NAALADL2: variants seen among roughly 807,000 people sequenced by gnomAD.
NAALADL2 encodes the protein inactive N-acetylated-alpha-linked acidic dipeptidase-like protein 2.
Under a neutral mutation model 87.2 loss-of-function variants are expected in NAALADL2, and 76 were observed. That is an observed-to-expected ratio of 0.87 (90% CI 0.72 to 1.05). NAALADL2 has a LOEUF of 1.05. Among genes scored for constraint, NAALADL2 ranks in the 50% least tolerant of loss-of-function variants. The pLI is 0.00. For missense variants in NAALADL2, 1,089 were observed against 945.8 expected, an observed-to-expected ratio of 1.15 and a Z score of -1.99; for synonymous variants, 354 against 331.0, an observed-to-expected ratio of 1.07 and a Z score of -0.75.
chr3:174,724,333 G>A (rs1317705406), intron 2 of NAALADL2, among the ~76,000 whole-genome samples: 17 of 152,104 alleles, frequency 1.1e-4, no homozygotes. Context: ...GTAAACTTAT[G>A]TGCTTTTATA....
intron 2 of NAALADL2, among the ~76,000 whole-genome samples, chr3:175,195,663 A>C (rs1366240090): frequency 2.0e-5 from 3 of 151,944 alleles, no homozygotes; most frequent in African/African-American, 7.2e-5. Flanking sequence ...ATTTTGAGTT[A>C]GGTCTATAGG....
At chr3:175,588,484 A>T (rs1410520732) in intron 10 of NAALADL2, among the ~76,000 whole-genome samples, 1 of 147,556 alleles carries the variant, frequency 6.8e-6, no homozygotes, top group African/African-American at 2.5e-5. Context: ...TATCTGGGAG[A>T]TGTGTTTTTA....
intron 4 of NAALADL2, among the ~76,000 whole-genome samples, chr3:175,315,573 G>C (rs1471926263): frequency 2.0e-5 from 3 of 152,124 alleles, no homozygotes; most frequent in African/African-American, 7.2e-5. Context: ...ATTGAAAGCT[G>C]TGTTAACAGT....
chr3:174,468,727 TC>T (rs1237282128), intron 1 of NAALADL2, among the ~76,000 whole-genome samples: 1 of 150,846 alleles, frequency 6.6e-6, no homozygotes, highest in Non-Finnish European at 1.5e-5. Flanking sequence ...ATTTACCTCT[TC>T]CCTGACTTAT....
chr3:174,751,924 C>A (rs1306820701), intron 3 of NAALADL2, among the ~76,000 whole-genome samples: 1 of 151,942 alleles, frequency 6.6e-6, no homozygotes, highest in East Asian at 1.9e-4. Flanking sequence ...AATTCATATT[C>A]TGGAAAATAT....
chr3:174,633,828 T>G (rs1009220264), intron 2 of NAALADL2, among the ~76,000 whole-genome samples: 1 of 152,162 alleles, frequency 6.6e-6, no homozygotes, highest in Non-Finnish European at 1.5e-5. Context: ...TGAAGAGTCT[T>G]GCCAAGTGCA....
intron 4 of NAALADL2, among the ~76,000 whole-genome samples, chr3:175,275,005 A>G (rs942003744): frequency 4.6e-5 from 7 of 152,146 alleles, no homozygotes; most frequent in Admixed American, 1.3e-4. Context: ...AACACCAGCT[A>G]TTTCTGACTC....
At chr3:175,513,913 G>T (rs776720200) in intron 9 of NAALADL2, among the ~76,000 whole-genome samples, 2 of 152,218 alleles carry the variant, frequency 1.3e-5, no homozygotes, top group Non-Finnish European at 2.9e-5. Context: ...AAGGGTGAGA[G>T]GATCAAAAAT....
At chr3:175,153,305 G>C (rs1326655616) in intron 2 of NAALADL2, among the ~76,000 whole-genome samples, 1 of 152,130 alleles carries the variant, frequency 6.6e-6, no homozygotes, top group African/African-American at 2.4e-5. Context: ...TGTCATGTCA[G>C]TGTTGAAGAT....
At chr3:175,293,353 C>A (rs986388015) in intron 4 of NAALADL2, among the ~76,000 whole-genome samples, 1 of 151,994 alleles carries the variant, frequency 6.6e-6, no homozygotes, top group South Asian at 2.1e-4. Flanking sequence ...TATATTGTTA[C>A]AAATTTATTT....
intron 11 of NAALADL2, among the ~76,000 whole-genome samples, chr3:175,649,959 A>G (rs1054686708): frequency 6.6e-6 from 1 of 151,604 alleles, no homozygotes; most frequent in Admixed American, 6.6e-5. Context: ...GTTTTTAAAA[A>G]GTTAAACATA....
intron 2 of NAALADL2, among the ~76,000 whole-genome samples, chr3:174,685,529 C>T (rs898230834): frequency 2.0e-5 from 3 of 151,992 alleles, no homozygotes; most frequent in Admixed American, 2.0e-4. Context: ...TTAATGACAG[C>T]CATTTATGGA....
chr3:174,730,297 T>C (rs896197035), intron 2 of NAALADL2, among the ~76,000 whole-genome samples: 5 of 152,118 alleles, frequency 3.3e-5, no homozygotes, highest in African/African-American at 1.2e-4. Flanking sequence ...TGTGTCCGTT[T>C]ATATATTCAT....
At chr3:174,711,060 C>A (rs1730577523) in intron 2 of NAALADL2, among the ~76,000 whole-genome samples, 1 of 152,140 alleles carries the variant, frequency 6.6e-6, no homozygotes. Context: ...GTTCTGGCTC[C>A]TTTCCTATGA....
At chr3:175,444,199 A>C (rs555913402) in intron 5 of NAALADL2, among the ~76,000 whole-genome samples, 12 of 152,300 alleles carry the variant, frequency 7.9e-5, no homozygotes, top group African/African-American at 2.4e-4. Context: ...CATCTTAAGA[A>C]GTTTCCGCAA....
chr3:174,596,346 C>G (rs565733078), intron 2 of NAALADL2, among the ~76,000 whole-genome samples: 1 of 152,260 alleles, frequency 6.6e-6, no homozygotes, highest in Non-Finnish European at 1.5e-5. Context: ...ATTATCTTCT[C>G]TCACCCAATT....
chr3:175,734,192 A>G (rs570370962), intron 11 of NAALADL2, among the ~76,000 whole-genome samples: 1 of 152,160 alleles, frequency 6.6e-6, no homozygotes. Flanking sequence ...GAGGTTCTCC[A>G]TGATGGCCTC....
chr3:175,035,100 G>A (rs370967576), intron 1 of NAALADL2, among the ~76,000 whole-genome samples: 35 of 152,198 alleles, frequency 2.3e-4, no homozygotes, highest in African/African-American at 7.7e-4. Context: ...TTTGTCCCAC[G>A]ACCAACTCCT....
chr3:175,477,036 A>G (rs1007371586), intron 9 of NAALADL2, among the ~76,000 whole-genome samples: 13 of 152,078 alleles, frequency 8.5e-5, no homozygotes, highest in Admixed American at 7.2e-4. Flanking sequence ...TGATTTTAAT[A>G]TTTGAAAGGA....
Sources: allele counts gnomAD v4.1 joint callset (sites outside exome capture counted in the v4.1 genomes callset), GRCh38; gene constraint gnomAD v4.1.1; transcripts MANE v1.5; gene names NCBI Gene and HGNC (gene_info 2026-07-23, HGNC 2026-07-21).